Variants in DLG2 observed in about 807,000 individuals in gnomAD.
The protein encoded by DLG2 is disks large homolog 2.
In DLG2, 45 loss-of-function variants were observed where a neutral mutation model predicts 132.5. The ratio of observed to expected loss-of-function variants is 0.34; its 90% CI spans 0.27 to 0.44. DLG2 has a LOEUF of 0.44. Ranked by LOEUF, DLG2 falls within the 20% of genes least tolerant of loss-of-function variation. The probability of loss-of-function intolerance (pLI) is 1.00; values close to 1 mark genes in which losing one functional copy is unlikely to be tolerated. For missense variants in DLG2, 1,045 were observed against 1,196.9 expected (o/e 0.87, Z 1.87); for synonymous variants, 424 against 419.6 (o/e 1.01, Z -0.13).
rs140778215 is a variant in DLG2, at chr11:84,939,939, CTAT to C, written c.357+171719_357+171721del. On this transcript the variant is annotated intron_variant, in intron 6 of 27. Coordinates refer to ENST00000376104, the MANE Select transcript of DLG2 (RefSeq NM_001142699.3). ...GATTTCCCTTCTTTTGGGTATATAC[CTAT>C]CAGTGTGTTTGCTGGGTCATATAGT... Among the ~76,000 whole-genome samples the C allele has an allele frequency of 1.4e-4, 22 of 152,162 alleles. No homozygotes were observed. The East Asian group carries it at 4.3e-3, about 29-fold the overall frequency.
intron 6 of DLG2, among the ~76,000 whole-genome samples, chr11:85,049,319 T>C (rs1021810681): frequency 4.6e-5 from 7 of 152,036 alleles, no homozygotes; most frequent in African/African-American, 1.7e-4. Flanking sequence ...AAAATTTGTA[T>C]CTTCCTAAAT....
intron 21 of DLG2, among the ~76,000 whole-genome samples, chr11:83,520,810 C>G (rs940195869): frequency 1.3e-5 from 2 of 152,158 alleles, no homozygotes; most frequent in African/African-American, 4.8e-5. Flanking sequence ...CATGCTATGA[C>G]TCTTGTGTAG....
chr11:84,968,615 G>A (rs77135473), intron 6 of DLG2, among the ~76,000 whole-genome samples: 31 of 152,212 alleles, frequency 2.0e-4, no homozygotes, highest in African/African-American at 7.5e-4. Context: ...ACTTTCTTAT[G>A]GAAATTAACC....
chr11:83,614,774 A>T (rs1249790369), intron 19 of DLG2, among the ~76,000 whole-genome samples: 2 of 152,188 alleles, frequency 1.3e-5, no homozygotes, highest in African/African-American at 4.8e-5. Context: ...AACTTAACAA[A>T]TATTTATGCA....
intron 18 of DLG2, among the ~76,000 whole-genome samples, chr11:83,715,520 C>T (rs1375822858): frequency 1.3e-5 from 2 of 152,168 alleles, no homozygotes; most frequent in Non-Finnish European, 1.5e-5. Flanking sequence ...ACCTTTGAGG[C>T]AAATGATCCC....
intron 24 of DLG2, among the ~76,000 whole-genome samples, chr11:83,471,277 AAAT>A (rs1301662937): frequency 6.6e-6 from 1 of 152,124 alleles, no homozygotes; most frequent in Admixed American, 6.6e-5. Flanking sequence ...ATCCTATAAA[AAAT>A]AATGTTTCAG....
intron 3 of DLG2, among the ~76,000 whole-genome samples, chr11:85,324,776 G>A (rs2081326283): frequency 6.6e-6 from 1 of 152,170 alleles, no homozygotes; most frequent in Admixed American, 6.5e-5. Context: ...GAGCCAAGAT[G>A]GCCGAATAGG....
intron 7 of DLG2, among the ~76,000 whole-genome samples, chr11:84,472,102 C>T (rs941738250): frequency 7.2e-5 from 11 of 151,810 alleles, no homozygotes; most frequent in Non-Finnish European, 1.2e-4. Context: ...GTCCCAGTTT[C>T]GTCAGAAATA....
intron 6 of DLG2, among the ~76,000 whole-genome samples, chr11:85,109,160 G>A (rs182790188): frequency 8.3e-4 from 126 of 152,140 alleles, no homozygotes; most frequent in African/African-American, 3.0e-3. Flanking sequence ...CATGACCATC[G>A]GGAGCCCACC....
intron 2 of DLG2, among the ~76,000 whole-genome samples, chr11:85,618,949 T>A (rs1395809796): frequency 6.6e-6 from 1 of 152,224 alleles, no homozygotes; most frequent in Non-Finnish European, 1.5e-5. Context: ...GTCATTAGCA[T>A]ATGCTTTGTA....
intron 8 of DLG2, among the ~76,000 whole-genome samples, chr11:84,193,127 A>T (rs11233938): frequency 1.3e-5 from 2 of 152,208 alleles, no homozygotes; most frequent in Non-Finnish European, 2.9e-5. Flanking sequence ...TGGTACTGGG[A>T]TATCTATTTG....
chr11:84,932,723 GGT>G (rs147612417), intron 6 of DLG2, among the ~76,000 whole-genome samples: 15,983 of 96,872 alleles, frequency 0.16, 1,036 homozygotes, highest in East Asian at 0.2. Flanking sequence ...AGTATTCCAT[GGT>G]ATATATATAT....
intron 18 of DLG2, among the ~76,000 whole-genome samples, chr11:83,707,266 T>C (rs1259467335): frequency 6.6e-6 from 1 of 152,190 alleles, no homozygotes; most frequent in Non-Finnish European, 1.5e-5. Flanking sequence ...TCAGTTGCCC[T>C]TAGGAGTTCC....
chr11:84,035,006 T>C (rs552619286), intron 11 of DLG2, among the ~76,000 whole-genome samples: 33 of 152,268 alleles, frequency 2.2e-4, no homozygotes, highest in African/African-American at 7.7e-4. Context: ...ATGACCCAAA[T>C]GGAGCTTCCC....
chr11:84,405,091 T>C (rs1056449594), intron 7 of DLG2, among the ~76,000 whole-genome samples: 4 of 152,120 alleles, frequency 2.6e-5, no homozygotes, highest in Non-Finnish European at 4.4e-5. Context: ...GAATAATTCA[T>C]AAATAGGGAC....
At chr11:84,861,617 G>GAAAAA (rs2083652359) in intron 6 of DLG2, among the ~76,000 whole-genome samples, 2 of 12,786 alleles carry the variant, frequency 1.6e-4, no homozygotes, top group African/African-American at 6.4e-4. Context: ...CTTCTACACA[G>GAAAAA]CAAAAAAAAA....
chr11:85,142,573 A>C (rs1027648402), intron 5 of DLG2, among the ~76,000 whole-genome samples: 1 of 151,590 alleles, frequency 6.6e-6, no homozygotes, highest in Non-Finnish European at 1.5e-5. Flanking sequence ...TCATTTAATT[A>C]CTCTAGCTAG....
chr11:84,347,398 T>C (rs2098543973), intron 7 of DLG2, among the ~76,000 whole-genome samples: 1 of 152,234 alleles, frequency 6.6e-6, no homozygotes, highest in Admixed American at 6.5e-5. Context: ...AGTTTCCTCC[T>C]GGTTAATTCT....
chr11:83,581,948 CTTTTTTTTT>C (rs71849863), intron 19 of DLG2, among the ~76,000 whole-genome samples: 12 of 52,642 alleles, frequency 2.3e-4, no homozygotes, highest in Middle Eastern at 0.021. Flanking sequence ...AGTTTGGACT[CTTTTTTTTT>C]TTTTTTTTTT....
Sources: allele counts gnomAD v4.1 joint callset (sites outside exome capture counted in the v4.1 genomes callset), GRCh38; gene constraint gnomAD v4.1.1; transcripts MANE v1.5; gene names NCBI Gene and HGNC (gene_info 2026-07-23, HGNC 2026-07-21).